SLC24A2: variants seen among roughly 807,000 people sequenced by gnomAD.
The protein encoded by SLC24A2 is solute carrier family 24 member 2, also known as sodium/potassium/calcium exchanger 2.
A neutral mutation model predicts 62.0 loss-of-function variants in SLC24A2; 36 were observed. The observed-to-expected ratio is 0.58, with a 90% confidence interval of 0.44 to 0.77. SLC24A2 has a LOEUF of 0.77. Among genes scored for constraint, SLC24A2 ranks in the 30% least tolerant of loss-of-function variants. The probability of loss-of-function intolerance (pLI) is 0.00; values close to 1 mark genes in which losing one functional copy is unlikely to be tolerated. For missense variants in SLC24A2, 846 were observed against 817.9 expected, an observed-to-expected ratio of 1.03 and a Z score of -0.42; for synonymous variants, 358 against 294.0, an observed-to-expected ratio of 1.22 and a Z score of -2.23.
chr9:20,065,402 A>G, the SLC24A2 span, among the ~76,000 whole-genome samples: 2 of 152,222 alleles, frequency 1.3e-5, no homozygotes, highest in African/African-American at 2.4e-5. Context: ...TAAAAATGCC[A>G]GTCCCAATAT....
the SLC24A2 span, among the ~76,000 whole-genome samples, chr9:20,087,035 A>G: frequency 3.3e-5 from 5 of 152,176 alleles, no homozygotes; most frequent in East Asian, 1.9e-4. Context: ...TGTGAAGATT[A>G]TATTTTCCAT....
chr9:19,551,548 G>C (rs1586943380), intron 7 of SLC24A2, among the ~76,000 whole-genome samples: 1 of 152,158 alleles, frequency 6.6e-6, no homozygotes, highest in Admixed American at 6.5e-5. Context: ...CCACGCATCA[G>C]ATCTAAAAAT....
chr9:20,217,853 G>C, the SLC24A2 span, among the ~76,000 whole-genome samples: 1 of 152,124 alleles, frequency 6.6e-6, no homozygotes, highest in South Asian at 2.1e-4. Context: ...GTTTGCTTTT[G>C]TATTGCTTTT....
the SLC24A2 span, among the ~76,000 whole-genome samples, chr9:19,993,247 C>T: frequency 1.6e-4 from 24 of 152,254 alleles, 1 homozygote; most frequent in East Asian, 3.9e-3. Context: ...CAGAATTTCC[C>T]GAGCTTCGTT....
At chr9:19,578,751 T>G (rs1836113182) in intron 5 of SLC24A2, among the ~76,000 whole-genome samples, 1 of 152,090 alleles carries the variant, frequency 6.6e-6, no homozygotes, top group Admixed American at 6.5e-5. Flanking sequence ...TGATGACTTG[T>G]GTGACTGGCT....
At chr9:19,651,012 GATAA>G (rs1356187852) in intron 2 of SLC24A2, among the ~76,000 whole-genome samples, 2 of 152,218 alleles carry the variant, frequency 1.3e-5, no homozygotes, top group East Asian at 1.9e-4. Context: ...ACTCCTCACA[GATAA>G]ATAATGTGCC....
chr9:20,145,601 ATG>A, the SLC24A2 span, among the ~76,000 whole-genome samples: 121,895 of 145,990 alleles, frequency 0.83, 50,817 homozygotes, highest in African/African-American at 0.86. Flanking sequence ...CATCACATGT[ATG>A]TGTGTGTGTG....
chr9:20,122,710 C>CA, the SLC24A2 span, among the ~76,000 whole-genome samples: 2 of 152,042 alleles, frequency 1.3e-5, no homozygotes, highest in African/African-American at 2.4e-5. Context: ...CAAACAACAA[C>CA]AAAAAAACTC....
the SLC24A2 span, among the ~76,000 whole-genome samples, chr9:19,871,872 A>G: frequency 6.6e-6 from 1 of 152,224 alleles, no homozygotes; most frequent in East Asian, 1.9e-4. Context: ...AAACATATGC[A>G]AAATTTTCTT....
the SLC24A2 span, chr9:19,957,913 G>C: frequency 6.5e-6 from 1 of 153,524 alleles, no homozygotes; most frequent in Non-Finnish European, 1.5e-5. Flanking sequence ...GCATCATTCG[G>C]CCTTGTTTGT....
the SLC24A2 span, among the ~76,000 whole-genome samples, chr9:20,090,984 A>C: frequency 2.6e-5 from 4 of 152,308 alleles, no homozygotes; most frequent in African/African-American, 9.6e-5. Flanking sequence ...GCTGACAGAC[A>C]AAATAGACAG....
chr9:20,178,506 C>G, the SLC24A2 span, among the ~76,000 whole-genome samples: 1 of 152,170 alleles, frequency 6.6e-6, no homozygotes, highest in Non-Finnish European at 1.5e-5. Context: ...CTGACTTTGA[C>G]AGATTTTAAT....
At chr9:19,707,342 T>C (rs1405200595) in intron 2 of SLC24A2, among the ~76,000 whole-genome samples, 1 of 152,222 alleles carries the variant, frequency 6.6e-6, no homozygotes, top group East Asian at 1.9e-4. Flanking sequence ...GAGGAGCTGG[T>C]ACCATTCCTT....
the SLC24A2 span, among the ~76,000 whole-genome samples, chr9:19,873,407 T>C: frequency 6.7e-6 from 1 of 150,060 alleles, no homozygotes; most frequent in African/African-American, 2.5e-5. Context: ...TCCTTCCTTC[T>C]CTTTCTTTCT....
At chr9:19,890,712 A>G in the SLC24A2 span, among the ~76,000 whole-genome samples, 2 of 152,090 alleles carry the variant, frequency 1.3e-5, no homozygotes, top group African/African-American at 2.4e-5. Flanking sequence ...GAGTCTCACT[A>G]TGTTGCCAGG....
the SLC24A2 span, among the ~76,000 whole-genome samples, chr9:20,295,242 T>C: frequency 1.0e-3 from 154 of 152,216 alleles, no homozygotes; most frequent in African/African-American, 3.1e-3. Flanking sequence ...AAGATTAAAA[T>C]ACCAAATGTT....
At chr9:20,293,022 G>A in the SLC24A2 span, among the ~76,000 whole-genome samples, 10 of 152,270 alleles carry the variant, frequency 6.6e-5, no homozygotes, top group African/African-American at 1.9e-4. Flanking sequence ...AATCTTTGGC[G>A]TTCCTTGGCT....
At chr9:20,302,464 C>T in the SLC24A2 span, among the ~76,000 whole-genome samples, 1 of 152,302 alleles carries the variant, frequency 6.6e-6, no homozygotes, top group South Asian at 2.1e-4. Context: ...TTTTGATTTG[C>T]ATTTCCCTAA....
chr9:20,199,091 A>C, the SLC24A2 span, among the ~76,000 whole-genome samples: 1 of 152,214 alleles, frequency 6.6e-6, no homozygotes, highest in African/African-American at 2.4e-5. Flanking sequence ...AGTTGTTTCT[A>C]ACCAGCCTAT....
Sources: gnomAD v4.1 joint callset for allele counts (sites outside exome capture counted in the v4.1 genomes callset) on GRCh38, gnomAD v4.1.1 for gene constraint, MANE v1.5 for transcripts, NCBI Gene and HGNC (gene_info 2026-07-23, HGNC 2026-07-21) for gene names.